The following IZUMO1 variants were observed in gnomAD, a reference collection of about 807,000 sequenced individuals.
The protein encoded by IZUMO1 is izumo sperm-egg fusion protein 1.
A neutral mutation model predicts 40.7 loss-of-function variants in IZUMO1; 44 were observed. The ratio of observed to expected loss-of-function variants is 1.08; its 90% CI spans 0.85 to 1.39. The LOEUF (loss-of-function observed/expected upper bound fraction) is 1.39. Among genes scored for constraint, IZUMO1 ranks in the 40% most tolerant of loss-of-function variants. The probability of loss-of-function intolerance (pLI) is 0.00; values close to 1 mark genes in which losing one functional copy is unlikely to be tolerated. For synonymous variants in IZUMO1, 149 were observed against 170.9 expected (o/e 0.87, Z 1.00); for missense variants, 368 against 436.9 (o/e 0.84, Z 1.41).
At chr19:48,743,058 A>G (rs2033768122) in intron 6 of IZUMO1, 1 of 171,236 alleles carries the variant, frequency 5.8e-6, no homozygotes, top group Non-Finnish European at 1.2e-5. Flanking sequence ...ACAAGGTCTC[A>G]CTCTTTTGCC....
intron 6 of IZUMO1, chr19:48,742,894 T>A (rs995104716): frequency 6.5e-6 from 1 of 153,726 alleles, no homozygotes; most frequent in Non-Finnish European, 1.4e-5. Flanking sequence ...GTCTGGCTAA[T>A]TTTTTTGTAT....
rs1334713615 is a variant in IZUMO1 at position 48,745,755 on chromosome 19, G to C, written c.105C>G (p.Ser35=). 1 of 1,614,174 alleles carries C rather than the reference G, an allele frequency of 6.2e-7. No homozygotes were observed. The change falls in exon 2 of 10, where the codon TCC becomes TCG. Residue 35 remains serine (S), a synonymous_variant. Transcript: ENST00000332955. ...CDPSVVLALK[S]LEKDYLPGHL... is the part of the protein sequence containing the mutation. ...GGCCAGGCAGGTAATCTTTCTCCAG[G>C]GACTTTAGCGCCAGCACGACAGACG... is the stretch of plus-strand genomic sequence containing the variant.
chr19:48,746,830 T>C lies in IZUMO1; in HGVS notation c.-469A>G, dbSNP rs1224843310. 2.0e-6 allele frequency: 2 copies of C among 985,118 alleles called. No homozygotes were observed. The highest frequency in any genetic ancestry group is 2.4e-6 in the Non-Finnish European group (2 of 829,892). 61.0% of individuals were successfully genotyped at this position (985,118 alleles called of 1,614,324 possible). ...TCGACGGGGTCTGAGTCACGGACGA[T>C]CCCCTCTCCACAAGGAACTCCTGAA... On this transcript the variant is annotated 5_prime_UTR_variant, in exon 1 of 10. Transcript: ENST00000332955.
At position 48,743,472 on chromosome 19, in the gene IZUMO1, C is replaced by A. The variant is rs571522837; in HGVS notation, c.472G>T (p.Ala158Ser). 33 of 1,614,170 alleles carry A rather than the reference C, an allele frequency of 2.0e-5. No homozygotes were observed. The highest frequency in any genetic ancestry group is 2.5e-5 in the Non-Finnish European group (30 of 1,180,020). ...CCGCAATCGTAGGACTTTCGACAAG[C>A]GTGAACCTCCTTTTTGCAGTTCTTG... ...WCKNCKKEVH[A>S]CRKSYDCGER... is the part of the protein sequence containing the mutation. The change falls in exon 6 of 10, where the codon GCT (alanine) becomes TCT (serine). Residue 158 changes from alanine (A) to serine (S), a missense_variant. Transcript: ENST00000332955.
chr19:48,744,407 T>G, intron 4 of IZUMO1, 46 bp downstream of exon 4: 1 of 1,451,184 alleles, frequency 6.9e-7, no homozygotes, highest in Non-Finnish European at 9.7e-7. Flanking sequence ...GACTCTTGGA[T>G]AGTGGAAAGA....
In IZUMO1 at chr19:48,745,800, C is replaced by T. The variant is rs376346026; in HGVS notation, c.60G>A (p.Glu20=). ...AALAGCLLPA[E]GCVICDPSVV... is the part of the protein sequence containing the mutation. ...CAGACGGGTCACATATAACACACCC[C>T]TCGGCAGGAAGCAAGCAACCGGCCA... is the stretch of plus-strand genomic sequence containing the variant. Residue 20 remains glutamate, a synonymous_variant, in exon 2 of 10, where the codon GAG becomes GAA. Coordinates refer to ENST00000332955, the MANE Select transcript of IZUMO1 (RefSeq NM_182575.3). 4 of 1,614,222 alleles carry T rather than the reference C, an allele frequency of 2.5e-6. No individual in the cohort carries two copies. In the East Asian group the frequency reaches 6.7e-5, roughly 27 times the overall value.
In IZUMO1 at chr19:48,743,596, G is replaced by A. The variant is rs925466477; in HGVS notation, c.419-71C>T. ...GGCTAAAAGGAGAGGTCAGGGCTAAGGGCTGGGGCCAGATCATCTATGACA... is the reference window on the plus strand; with the variant it reads ...GGCTAAAAGGAGAGGTCAGGGCTAAAGGCTGGGGCCAGATCATCTATGACA... On this transcript the variant is annotated intron_variant, in intron 5 of 9. Coordinates refer to ENST00000332955, the MANE Select transcript of IZUMO1 (RefSeq NM_182575.3). 5 of 1,218,806 alleles carry A rather than the reference G, an allele frequency of 4.1e-6. No homozygotes were observed. The African/African-American group carries it at 5.9e-5, about 14-fold the overall frequency. The allele number at this position is 1,218,806 out of a possible 1,614,324, so 75.5% of individuals were successfully genotyped here.
In IZUMO1 at chr19:48,745,271, T is replaced by G. The variant is rs762768034; in HGVS notation, c.253A>C (p.Lys85Gln). Residue 85 changes from lysine to glutamine, a missense_variant, in exon 3 of 10, where the codon AAG becomes CAG. Transcript: ENST00000332955. ...TCCTTCAGCAAACTCCAGGACCCCTTTTGCAGTGTGGCCTCATCTGTCAGA... is the reference window on the plus strand; with the variant it reads ...TCCTTCAGCAAACTCCAGGACCCCTGTTGCAGTGTGGCCTCATCTGTCAGA... Reference protein sequence around the residue: ...MGVVDEATLQKGSWSLLKDLK... With the variant: ...MGVVDEATLQQGSWSLLKDLK... 3.7e-6 allele frequency: 6 copies of G among 1,613,982 alleles called. No individual in the cohort carries two copies. In the Admixed American group the frequency reaches 1.0e-4, roughly 27 times the overall value.
At position 48,744,444 on chromosome 19, in the gene IZUMO1, T is replaced by C; in HGVS notation, c.397+9A>G. On this transcript the variant is annotated intron_variant, in intron 4 of 9. Transcript: ENST00000332955. ...GAGCTGGGGGACACCGACTCCCATC[T>C]TCTCTCACCCTCTTTTTGGAATCGA... 1 of 1,606,854 alleles carries C rather than the reference T, an allele frequency of 6.2e-7. No homozygotes were observed. The highest frequency in any genetic ancestry group is 8.5e-7 in the Non-Finnish European group (1 of 1,173,388).
At chr19:48,746,350 T>G in intron 1 of IZUMO1, 85 bp downstream of exon 1, 1 of 1,009,416 alleles carries the variant, frequency 9.9e-7, no homozygotes, top group Non-Finnish European at 1.2e-6. Flanking sequence ...AGCTGAAGAT[T>G]CAATGCCCAA....
intron 1 of IZUMO1, 129 bp downstream of exon 1, chr19:48,746,305 TC>T (rs1322126400): frequency 8.9e-6 from 9 of 1,008,514 alleles, no homozygotes; most frequent in Admixed American, 5.2e-5. Flanking sequence ...ACCGAGGCAC[TC>T]CCCCGCCAGC....
chr19:48,742,724 TC>T (rs1427829437), intron 6 of IZUMO1, among the ~76,000 whole-genome samples: 5 of 96,986 alleles, frequency 5.2e-5, no homozygotes, highest in South Asian at 4.0e-4. Flanking sequence ...TTTCTCTCTC[TC>T]TTTTTTTTTT....
chr19:48,745,687 T>C lies in IZUMO1; in HGVS notation c.173A>G (p.Glu58Gly), dbSNP rs1384236920. The change falls in exon 2 of 10, where the codon GAG (glutamate) becomes GGG (glycine). Residue 58 changes from glutamate to glycine, a missense_variant. Physicochemically the swap from Glu to Gly is moderately conservative, Grantham distance 98 (BLOSUM62 -2). Transcript: ENST00000332955. ...KHHKAMMERV[E>G]NAVKDFQELS... Reference sequence around the variant, plus strand: ...TTCCTGGAAATCCTTCACGGCATTCTCTACCCTTTCCATCATGGCTTTGTG... The same window carrying C: ...TTCCTGGAAATCCTTCACGGCATTCCCTACCCTTTCCATCATGGCTTTGTG... 9.3e-6 allele frequency: 15 copies of C among 1,614,208 alleles called. No individual in the cohort carries two copies. Among genetic ancestry groups the C allele is most frequent in the South Asian group, 2.2e-5 (2 of 91,092 alleles).
Position 48,741,713 on chromosome 19 carries a change from A to G in IZUMO1, c.754+76T>C, listed in dbSNP as rs2122504179. ...ACAGGAAGTCACGCCCCCATCGCCA[A>G]GGCCACGCCCCCGCCGCGGACCCCA... On this transcript the variant is annotated intron_variant, in intron 8 of 9. Coordinates refer to ENST00000332955, the MANE Select transcript of IZUMO1 (RefSeq NM_182575.3). The surrounding 1 kb of genome is among the most constrained non-coding windows in gnomAD (Gnocchi z 4.4). 1 of 1,476,626 alleles carries G rather than the reference A, an allele frequency of 6.8e-7. No individual in the cohort carries two copies. The highest frequency in any genetic ancestry group is 1.8e-4 in the Middle Eastern group (1 of 5,528). The allele number at this position is 1,476,626 out of a possible 1,614,324, so 91.5% of individuals were successfully genotyped here. A position where few individuals can be genotyped will look rare whatever the true frequency, so the allele number is the denominator to read the frequency against.
Position 48,746,487 on chromosome 19 carries a change from T to A in IZUMO1, c.-126A>T, listed in dbSNP as rs2033888261. 1.0e-6 allele frequency: 1 copy of A among 987,152 alleles called. No homozygotes were observed. The allele number at this position is 987,152 out of a possible 1,614,324, so 61.1% of individuals were successfully genotyped here. On this transcript the variant is annotated 5_prime_UTR_variant, in exon 1 of 10. Coordinates refer to ENST00000332955, the MANE Select transcript of IZUMO1 (RefSeq NM_182575.3). ...AACACTTAAGCGAGACTCCATGCGG[T>A]CCTCTAGACCTAGGGGGCCCTTGTT...
At chr19:48,744,136 A>G (rs757965529) in intron 5 of IZUMO1, 39 bp downstream of exon 5, 1 of 1,597,716 alleles carries the variant, frequency 6.3e-7, no homozygotes, top group South Asian at 1.1e-5. Context: ...GACTATTCAG[A>G]GGGCAGGATG....
Position 48,745,610 on chromosome 19 carries a change from C to T in IZUMO1, c.235+15G>A, listed in dbSNP as rs1266174185. ...TTCCCAGGACCCAGGGGTCCGTGGT[C>T]CCCCCTGCCCTCACCAACGACCCCC... On this transcript the variant is annotated intron_variant, in intron 2 of 9. Coordinates refer to ENST00000332955, the MANE Select transcript of IZUMO1 (RefSeq NM_182575.3). The T allele has an allele frequency of 1.2e-6, 2 of 1,612,122 alleles. No homozygotes were observed. Among genetic ancestry groups the T allele is most frequent in the South Asian group, 1.1e-5 (1 of 91,040 alleles).
At chr19:48,743,104 G>T in intron 6 of IZUMO1, 1 of 312,990 alleles carries the variant, frequency 3.2e-6, no homozygotes, top group South Asian at 3.2e-5. Flanking sequence ...ATAGCTTACT[G>T]CAGTCTCCAA....
chr19:48,745,192 C>T lies in IZUMO1; in HGVS notation c.310+22G>A, dbSNP rs781509594. On this transcript the variant is annotated intron_variant, in intron 3 of 9. Coordinates refer to ENST00000332955, the MANE Select transcript of IZUMO1 (RefSeq NM_182575.3). ...TGGCTTCTCTGAGAGATTCGGGACT[C>T]CCACCCCCTTGATGCATTTACCTTT... The T allele has an allele frequency of 1.9e-6, 3 of 1,603,648 alleles. No homozygotes were observed. In the East Asian group the frequency reaches 6.7e-5, roughly 36 times the overall value.
Sources: allele counts gnomAD v4.1 joint callset (sites outside exome capture counted in the v4.1 genomes callset), GRCh38; gene constraint gnomAD v4.1.1; non-coding constraint Gnocchi (gnomAD v3.1); transcripts MANE v1.5; gene names NCBI Gene and HGNC (gene_info 2026-07-23, HGNC 2026-07-21).